The following RYR2 variants were observed in gnomAD, a reference collection of about 807,000 sequenced individuals.
RYR2 encodes the protein ryanodine receptor 2, also known as cardiac muscle ryanodine receptor-calcium release channel.
Under a neutral mutation model 601.1 loss-of-function variants are expected in RYR2, and 227 were observed. The observed-to-expected ratio is 0.38, with a 90% CI of 0.34 to 0.42. The LOEUF is 0.42. RYR2 is among the 10% of genes least tolerant of loss of function. The pLI is 1.00. For synonymous variants in RYR2, 2,223 were observed against 2,175.1 expected, an observed-to-expected ratio of 1.02 and a Z score of -0.61; for missense variants, 4,646 against 6,156.5, an observed-to-expected ratio of 0.75 and a Z score of 8.21.
intron 66 of RYR2, among the ~76,000 whole-genome samples, chr1:237,703,594 A>G (rs1037598898): frequency 1.8e-4 from 27 of 148,084 alleles, no homozygotes; most frequent in African/African-American, 6.6e-4. Flanking sequence ...TATAAAATAT[A>G]TACATAAAAC....
rs115282072 is a variant in RYR2 at position 237,188,009 on chromosome 1, C to T, written c.49-82488C>T. ...CTTCATACTTTAACTTACTCCTCTC[C>T]TTGCCCAGATCACTAAAGCGGCATG... On this transcript the variant is annotated intron_variant, in intron 1 of 104. Coordinates refer to ENST00000366574, the MANE Select transcript of RYR2 (RefSeq NM_001035.3). Among the ~76,000 whole-genome samples, 913 of 152,308 alleles carry T rather than the reference C, an allele frequency of 6.0e-3. 7 individuals are homozygous for T. Among genetic ancestry groups the T allele is most frequent in the South Asian group, 0.03 (143 of 4,828 alleles).
chr1:237,260,564 G>T (rs1688413794), intron 1 of RYR2, among the ~76,000 whole-genome samples: 1 of 152,092 alleles, frequency 6.6e-6, no homozygotes, highest in South Asian at 2.1e-4. Flanking sequence ...GGGGTGCCGT[G>T]GGTCACACCT....
At chr1:237,053,616 A>G (rs1661562930) in intron 1 of RYR2, among the ~76,000 whole-genome samples, 1 of 152,212 alleles carries the variant, frequency 6.6e-6, no homozygotes, top group African/African-American at 2.4e-5. Flanking sequence ...CTTCTCCTTC[A>G]TTCTGAAATG....
chr1:237,640,956 A>G lies in RYR2; in HGVS notation c.7175A>G (p.Tyr2392Cys), dbSNP rs772220753. ...ATGGGGAACGCGATCATGACCTTCT[A>G]TTCAGCTTTGATTGACCTCTTGGGA... is the stretch of plus-strand genomic sequence containing the variant. ...IHMGNAIMTF[Y>C]SALIDLLGRC... Residue 2392 changes from tyrosine (Y) to cysteine (C), a missense_variant, in exon 47 of 105, where the codon TAT becomes TGT. Physicochemically the swap from Tyr to Cys is radical, Grantham distance 194 (BLOSUM62 -2). Transcript: ENST00000366574. The G allele has an allele frequency of 1.9e-6, 3 of 1,613,654 alleles. No individual in the cohort carries two copies. Among genetic ancestry groups the G allele is most frequent in the Non-Finnish European group, 1.7e-6 (2 of 1,179,752 alleles).
At chr1:237,284,971 G>A (rs755510659) in intron 2 of RYR2, among the ~76,000 whole-genome samples, 57 of 151,984 alleles carry the variant, frequency 3.8e-4, no homozygotes, top group African/African-American at 1.1e-3. Flanking sequence ...CATGTCATCC[G>A]CAAACAGTGA....
intron 1 of RYR2, among the ~76,000 whole-genome samples, chr1:237,145,595 T>C (rs1673918817): frequency 6.6e-6 from 1 of 152,246 alleles, no homozygotes; most frequent in South Asian, 2.1e-4. Flanking sequence ...CTGCTCACTG[T>C]CTGTCCACTT....
intron 62 of RYR2, among the ~76,000 whole-genome samples, chr1:237,684,201 G>T (rs1025291624): frequency 6.6e-5 from 10 of 151,944 alleles, no homozygotes; most frequent in African/African-American, 2.4e-4. Context: ...CTCCCAAAGT[G>T]CTGGGATTAC....
intron 101 of RYR2, among the ~76,000 whole-genome samples, chr1:237,820,451 A>T (rs1423469996): frequency 6.6e-6 from 1 of 152,060 alleles, no homozygotes; most frequent in African/African-American, 2.4e-5. Flanking sequence ...AGCCAAGGGA[A>T]ACTGTGAGAG....
chr1:237,667,805 G>A, intron 57 of RYR2, 78 bp from the exon 58 acceptor site: 2 of 1,024,262 alleles, frequency 2.0e-6, no homozygotes, highest in Non-Finnish European at 2.9e-6. Context: ...TTCCTTTACG[G>A]TATCTAATAT....
chr1:237,454,764 T>C (rs1181933406), intron 15 of RYR2, among the ~76,000 whole-genome samples, 190 bp downstream of exon 15: 1 of 152,198 alleles, frequency 6.6e-6, no homozygotes, highest in Non-Finnish European at 1.5e-5. Context: ...ATACTATCCA[T>C]GAGTATTAAT....
At chr1:237,288,413 A>ATAGGGGAGGACCATCAGG (rs1691804358) in intron 2 of RYR2, among the ~76,000 whole-genome samples, 1 of 150,670 alleles carries the variant, frequency 6.6e-6, no homozygotes, top group Non-Finnish European at 1.5e-5. Context: ...ACCAGGGTGG[A>ATAGGGGAGGACCATCAGG]TAGGGGAGGA....
chr1:237,123,738 G>A (rs1166267956), intron 1 of RYR2, among the ~76,000 whole-genome samples: 1 of 141,758 alleles, frequency 7.1e-6, no homozygotes, highest in African/African-American at 2.6e-5. Flanking sequence ...TGCAATCTCG[G>A]CTCACTGCAA....
At chr1:237,653,429 A>G (rs1682949377) in intron 51 of RYR2, among the ~76,000 whole-genome samples, 1 of 152,236 alleles carries the variant, frequency 6.6e-6, no homozygotes, top group African/African-American at 2.4e-5. Context: ...TTATTAGTAA[A>G]TGATTAACGT....
At chr1:237,261,828 T>C (rs564793962) in intron 1 of RYR2, among the ~76,000 whole-genome samples, 10 of 152,294 alleles carry the variant, frequency 6.6e-5, no homozygotes, top group South Asian at 6.2e-4. Flanking sequence ...AAACCTCAAC[T>C]TCCCCCAGGC....
At chr1:237,274,144 T>C (rs1289015528) in intron 2 of RYR2, among the ~76,000 whole-genome samples, 1 of 148,748 alleles carries the variant, frequency 6.7e-6, no homozygotes, top group Non-Finnish European at 1.5e-5. Flanking sequence ...ATGATAACTA[T>C]ATATTTCTAT....
intron 25 of RYR2, among the ~76,000 whole-genome samples, chr1:237,542,944 C>T (rs1484134231): frequency 6.6e-6 from 1 of 152,198 alleles, no homozygotes; most frequent in Non-Finnish European, 1.5e-5. Flanking sequence ...CTTGCCTCCT[C>T]TGACTCTCCC....
intron 5 of RYR2, among the ~76,000 whole-genome samples, chr1:237,364,814 C>A (rs959486438): frequency 2.0e-5 from 3 of 152,080 alleles, no homozygotes; most frequent in Admixed American, 6.6e-5. Flanking sequence ...CATTTATGCC[C>A]TTTTGCATGA....
At chr1:237,548,270 C>G (rs1462035069) in intron 25 of RYR2, among the ~76,000 whole-genome samples, 161 bp from the exon 26 acceptor site, 1 of 152,128 alleles carries the variant, frequency 6.6e-6, no homozygotes, top group Non-Finnish European at 1.5e-5. Flanking sequence ...CAGTTATTAG[C>G]TAAAGTGAAA....
At chr1:237,791,551 A>G in intron 93 of RYR2, 36 bp downstream of exon 93, 1 of 1,016,588 alleles carries the variant, frequency 9.8e-7, no homozygotes, top group Non-Finnish European at 1.5e-6. Context: ...ACTGGTATAA[A>G]ACTCCAAATA....
Sources: allele counts gnomAD v4.1 joint callset (sites outside exome capture counted in the v4.1 genomes callset), GRCh38; gene constraint gnomAD v4.1.1; transcripts MANE v1.5; gene names NCBI Gene and HGNC (gene_info 2026-07-23, HGNC 2026-07-21).